Variants in CHRDL1 observed in about 807,000 individuals in gnomAD.
The protein encoded by CHRDL1 is chordin like 1.
Under a neutral mutation model 40.9 loss-of-function variants are expected in CHRDL1, and 19 were observed. That is an observed-to-expected ratio of 0.46 (90% CI 0.32 to 0.68). The LOEUF is 0.68. Among genes scored for constraint, CHRDL1 ranks in the 30% least tolerant of loss-of-function variants. The pLI is 0.03. For synonymous variants in CHRDL1, 136 were observed against 123.4 expected (o/e 1.10, Z -0.68); for missense variants, 329 against 352.1 (o/e 0.93, Z 0.53).
chrX:110,734,803 G>T (rs2071234403), intron 4 of CHRDL1, among the ~76,000 whole-genome samples: 1 of 111,795 alleles, frequency 8.9e-6, no homozygotes, highest in Non-Finnish European at 1.9e-5. Context: ...CCCTTCCATG[G>T]TGAATCTGAT....
At chrX:110,702,718 C>T (rs182807918) in intron 6 of CHRDL1, among the ~76,000 whole-genome samples, 44 of 111,734 alleles carry the variant, frequency 3.9e-4, no homozygotes, top group African/African-American at 1.3e-3. Context: ...TAGTTCCAAC[C>T]CCCATCTGAT....
intron 9 of CHRDL1, among the ~76,000 whole-genome samples, chrX:110,686,821 T>C (rs1233204926): frequency 9.7e-6 from 1 of 103,303 alleles, no homozygotes; most frequent in South Asian, 4.4e-4. Context: ...GGTTGCAAGG[T>C]TGCAGTGAGC....
chrX:110,732,854 C>T (rs895077311), intron 4 of CHRDL1, among the ~76,000 whole-genome samples: 3 of 112,004 alleles, frequency 2.7e-5, no homozygotes, highest in African/African-American at 9.7e-5. Context: ...ACTGCTATCA[C>T]TTTGCATCTC....
At chrX:110,679,125 G>C (rs1413820260) in intron 11 of CHRDL1, among the ~76,000 whole-genome samples, 1 of 111,293 alleles carries the variant, frequency 9.0e-6, no homozygotes, top group Non-Finnish European at 1.9e-5. Flanking sequence ...ACTACATCTG[G>C]GTTTGTATTC....
At chrX:110,690,505 G>T (rs2070254033) in intron 8 of CHRDL1, among the ~76,000 whole-genome samples, 1 of 110,743 alleles carries the variant, frequency 9.0e-6, no homozygotes, top group South Asian at 3.8e-4. Context: ...TTCCTTGGGA[G>T]ATTTGCTTTC....
chrX:110,740,939 C>T (rs1367254413), intron 4 of CHRDL1, among the ~76,000 whole-genome samples: 4 of 112,246 alleles, frequency 3.6e-5, no homozygotes, highest in Non-Finnish European at 3.8e-5. Flanking sequence ...CATTACAATG[C>T]AAGAGTTGCT....
intron 2 of CHRDL1, among the ~76,000 whole-genome samples, chrX:110,772,851 A>G (rs1026571893): frequency 2.7e-5 from 3 of 112,935 alleles, no homozygotes; most frequent in African/African-American, 9.6e-5. Flanking sequence ...AATATACAAA[A>G]CATAAACTAA....
At position 110,792,092 on chromosome X, in the gene CHRDL1, T is replaced by A. The variant is rs780042663; in HGVS notation, c.90A>T (p.Val30=). The A allele has an allele frequency of 3.5e-6, 4 of 1,138,188 alleles. No individual in the cohort carries two copies. The Admixed American group carries it at 9.4e-5, about 27-fold the overall frequency. 93.8% of individuals were successfully genotyped at this position (1,138,188 alleles called of 1,213,427 possible). ...LLLEGGKTEQ[V]KHSETYCMFQ... ...TTCCAAATGCAAGACACTTACGTTT[T>A]ACTTGCTCTGTTTTGCCTCCTTCTA... The change falls in exon 2 of 12, where the codon GTA becomes GTT. Residue 30 remains valine (V), a synonymous_variant. Transcript: ENST00000372042.
chrX:110,768,715 G>C (rs188159913), intron 2 of CHRDL1, among the ~76,000 whole-genome samples: 1 of 110,397 alleles, frequency 9.1e-6, no homozygotes, highest in East Asian at 2.9e-4. Flanking sequence ...AGGGGCTCTC[G>C]GGCCTTCAGT....
At position 110,677,914 on chromosome X, in the gene CHRDL1, CA is replaced by C. The variant is rs754923910; in HGVS notation, c.1246+1421del. Among the ~76,000 whole-genome samples, 4 of 111,308 alleles carry C rather than the reference CA, an allele frequency of 3.6e-5. No individual in the cohort carries two copies. In the Admixed American group the frequency reaches 3.8e-4, roughly 11 times the overall value. On this transcript the variant is annotated intron_variant, in intron 11 of 11. Coordinates refer to ENST00000372042, the MANE Select transcript of CHRDL1 (RefSeq NM_001143981.2). ...CGAGTTATTAATATCGGACCCATTC[CA>C]AACTCGTTTCTCTCTTTGATGCTGA...
At chrX:110,741,573 T>C (rs1314817141) in intron 4 of CHRDL1, among the ~76,000 whole-genome samples, 2 of 111,466 alleles carry the variant, frequency 1.8e-5, no homozygotes, top group Non-Finnish European at 3.8e-5. Flanking sequence ...GGGTAAGGCC[T>C]CTGCTGTGGC....
At chrX:110,685,320 G>A (rs945684562) in intron 9 of CHRDL1, among the ~76,000 whole-genome samples, 1 of 111,234 alleles carries the variant, frequency 9.0e-6, no homozygotes, top group Non-Finnish European at 1.9e-5. Context: ...GCAATGGCGC[G>A]ATCTTGGCTC....
chrX:110,743,747 G>A (rs1452121732), intron 4 of CHRDL1, among the ~76,000 whole-genome samples: 1 of 111,999 alleles, frequency 8.9e-6, no homozygotes, highest in Non-Finnish European at 1.9e-5. Flanking sequence ...CAAAAGAACA[G>A]CAAGACAAGC....
chrX:110,794,549 A>G lies in CHRDL1; in HGVS notation c.-35+1195T>C, dbSNP rs747315321. ...AGAGAAATGTATCAAGTACCAAAAG[A>G]AAGGTATTTATTAAGGTGCTTCCAT... On this transcript the variant is annotated intron_variant, in intron 1 of 11. Coordinates refer to ENST00000372042, the MANE Select transcript of CHRDL1 (RefSeq NM_001143981.2). Among the ~76,000 whole-genome samples, 7 of 112,615 alleles carry G rather than the reference A, an allele frequency of 6.2e-5. No homozygotes were observed. In the Admixed American group the frequency reaches 6.5e-4, roughly 10 times the overall value.
chrX:110,702,216 T>G (rs1569466423), intron 6 of CHRDL1, among the ~76,000 whole-genome samples: 1 of 111,381 alleles, frequency 9.0e-6, no homozygotes, highest in Non-Finnish European at 1.9e-5. Flanking sequence ...TGCTCTTCAC[T>G]GAATACTGGA....
At chrX:110,732,812 T>C (rs2071191700) in intron 4 of CHRDL1, among the ~76,000 whole-genome samples, 1 of 111,398 alleles carries the variant, frequency 9.0e-6, no homozygotes, top group African/African-American at 3.3e-5. Context: ...TATTCTTAGC[T>C]AAGTTGTACT....
chrX:110,750,962 A>G (rs2148497271), intron 4 of CHRDL1, among the ~76,000 whole-genome samples: 1 of 111,952 alleles, frequency 8.9e-6, no homozygotes, highest in South Asian at 3.8e-4. Flanking sequence ...TGGAGATCCC[A>G]CTGCTGCAAG....
intron 4 of CHRDL1, among the ~76,000 whole-genome samples, chrX:110,732,782 G>A (rs2071190403): frequency 9.1e-6 from 1 of 109,476 alleles, no homozygotes; most frequent in Admixed American, 9.7e-5. Context: ...GTTTTTTGGG[G>A]GGCAGGGGGA....
At chrX:110,689,424 C>CTA (rs1392003692) in intron 8 of CHRDL1, among the ~76,000 whole-genome samples, 2 of 67,311 alleles carry the variant, frequency 3.0e-5, no homozygotes, top group East Asian at 3.4e-4. Context: ...CTATATATAT[C>CTA]TATATATCTA....
Sources: allele counts gnomAD v4.1 joint callset (sites outside exome capture counted in the v4.1 genomes callset), GRCh38; gene constraint gnomAD v4.1.1; transcripts MANE v1.5; gene names NCBI Gene and HGNC (gene_info 2026-07-23, HGNC 2026-07-21).